The following SYPL1 variants were observed in gnomAD, a reference collection of about 807,000 sequenced individuals.
SYPL1 encodes synaptophysin like 1.
Under a neutral mutation model 23.7 loss-of-function variants are expected in SYPL1, and 6 were observed. That is an observed-to-expected ratio of 0.25 (90% CI 0.14 to 0.50). SYPL1 has a LOEUF of 0.50. Ranked by LOEUF, SYPL1 falls within the 20% of genes least tolerant of loss-of-function variation. The probability of loss-of-function intolerance (pLI) is 0.98; values close to 1 mark genes in which losing one functional copy is unlikely to be tolerated. For missense variants in SYPL1, 253 were observed against 288.9 expected (o/e 0.88, Z 0.90); for synonymous variants, 102 against 104.5 (o/e 0.98, Z 0.15).
Position 106,097,604 on chromosome 7 carries a change from C to A in SYPL1, c.402+86G>T. 1 of 1,279,072 alleles carries A rather than the reference C, an allele frequency of 7.8e-7. No homozygotes were observed. 79.2% of individuals were successfully genotyped at this position (1,279,072 alleles called of 1,614,324 possible). Reference sequence around the variant, plus strand: ...TAAAATATGCTGAACTGGCTTACACCAAGAATTTTTATTTCCAGTATAAGA... The same window carrying A: ...TAAAATATGCTGAACTGGCTTACACAAAGAATTTTTATTTCCAGTATAAGA... On this transcript the variant is annotated intron_variant, in intron 3 of 4. Transcript: ENST00000455385. The surrounding 1 kb of genome is among the most constrained non-coding windows in gnomAD (Gnocchi z 4.6).
Position 106,093,107 on chromosome 7 carries a change from A to G in SYPL1, c.433T>C (p.Leu145=). ...DFVVTLVATF[L]WLVSTSAWAK... ...CAGGCTGAAGTGCTCACCAACCACA[A>G]AAAAGTGGCAACAAGTGTAACAACA... Residue 145 remains leucine, a synonymous_variant, in exon 4 of 5, where the codon TTG becomes CTG. Coordinates refer to ENST00000455385, the MANE Select transcript of SYPL1 (RefSeq NM_182715.4). 1 of 1,609,470 alleles carries G rather than the reference A, an allele frequency of 6.2e-7. No homozygotes were observed. Among genetic ancestry groups the G allele is most frequent in the Non-Finnish European group, 8.5e-7 (1 of 1,178,452 alleles).
chr7:106,093,817 C>T (rs1427136788), intron 3 of SYPL1, among the ~76,000 whole-genome samples: 1 of 145,154 alleles, frequency 6.9e-6, no homozygotes, highest in Non-Finnish European at 1.5e-5. Context: ...TTCCTAACCA[C>T]AAATTTTAAG....
rs781548840 is a variant in SYPL1 at position 106,097,680 on chromosome 7, G to T, written c.402+10C>A. ...TATTTTTGTATTTAAAAAATAAAGTGATTACTTACTATCATAGGAAGTTTA... is the reference window on the plus strand; with the variant it reads ...TATTTTTGTATTTAAAAAATAAAGTTATTACTTACTATCATAGGAAGTTTA... On this transcript the variant is annotated intron_variant, in intron 3 of 4. Coordinates refer to ENST00000455385, the MANE Select transcript of SYPL1 (RefSeq NM_182715.4). The surrounding 1 kb of genome is among the most constrained non-coding windows in gnomAD (Gnocchi z 4.6). 6.3e-6 allele frequency: 10 copies of T among 1,590,380 alleles called. No homozygotes were observed. Among genetic ancestry groups the T allele is most frequent in the African/African-American group, 5.4e-5 (4 of 73,926 alleles).
At chr7:106,107,954 G>A (rs1293410171) in intron 1 of SYPL1, among the ~76,000 whole-genome samples, 1 of 152,088 alleles carries the variant, frequency 6.6e-6, no homozygotes, top group East Asian at 1.9e-4. Flanking sequence ...CAGCACTTGG[G>A]GAGGCCGAGG....
chr7:106,110,402 C>T (rs1790082894), intron 1 of SYPL1, among the ~76,000 whole-genome samples: 1 of 152,236 alleles, frequency 6.6e-6, no homozygotes. Context: ...AATGCTCTCT[C>T]CCTCATTTCT....
At chr7:106,102,316 G>A (rs76642838) in intron 1 of SYPL1, among the ~76,000 whole-genome samples, 4 of 152,116 alleles carry the variant, frequency 2.6e-5, no homozygotes, top group South Asian at 2.1e-4. Context: ...GGCCAGTCTC[G>A]AGCTCCTGAC....
intron 4 of SYPL1, 63 bp from the exon 5 acceptor site, chr7:106,092,002 T>G: frequency 6.8e-7 from 1 of 1,480,680 alleles, no homozygotes; most frequent in Non-Finnish European, 9.1e-7. Flanking sequence ...ATGCCCTACT[T>G]AAAAATCTCA....
In SYPL1 at chr7:106,091,816, TAGG is replaced by T. The variant is rs1328434746; in HGVS notation, c.712_714del (p.Pro238del). The T allele has an allele frequency of 6.2e-7, 1 of 1,610,592 alleles. No individual in the cohort carries two copies. Among genetic ancestry groups the T allele is most frequent in the Non-Finnish European group, 8.5e-7 (1 of 1,177,840 alleles). Reference sequence around the variant, plus strand: ...ATTTCTCCCTTTAATTATATTCCGGTAGGAGGTGGAATACCTCCTTGGCTATGA... The same window carrying T: ...ATTTCTCCCTTTAATTATATTCCGGTAGGTGGAATACCTCCTTGGCTATGA... On this transcript the variant is annotated inframe_deletion, in exon 5 of 5. Coordinates refer to ENST00000455385, the MANE Select transcript of SYPL1 (RefSeq NM_182715.4). The surrounding 1 kb of genome is among the most constrained non-coding windows in gnomAD (Gnocchi z 5.0).
Position 106,097,597 on chromosome 7 carries a change from C to A in SYPL1, c.402+93G>T, listed in dbSNP as rs1585937016. On this transcript the variant is annotated intron_variant, in intron 3 of 4. Coordinates refer to ENST00000455385, the MANE Select transcript of SYPL1 (RefSeq NM_182715.4). The surrounding 1 kb of genome is among the most constrained non-coding windows in gnomAD (Gnocchi z 4.6). ...CACAGGCTAAAATATGCTGAACTGGCTTACACCAAGAATTTTTATTTCCAG... is the reference window on the plus strand; with the variant it reads ...CACAGGCTAAAATATGCTGAACTGGATTACACCAAGAATTTTTATTTCCAG... 4 of 1,208,222 alleles carry A rather than the reference C, an allele frequency of 3.3e-6. No homozygotes were observed. In the East Asian group the frequency reaches 7.7e-5, roughly 23 times the overall value. 74.8% of individuals were successfully genotyped at this position (1,208,222 alleles called of 1,614,324 possible).
chr7:106,108,739 T>A (rs555598735), intron 1 of SYPL1, among the ~76,000 whole-genome samples: 1 of 152,318 alleles, frequency 6.6e-6, no homozygotes, highest in African/African-American at 2.4e-5. Context: ...AATTTGGGAA[T>A]AGTCTTTCTC....
chr7:106,101,504 AG>A (rs889722415), intron 1 of SYPL1, among the ~76,000 whole-genome samples: 2 of 137,700 alleles, frequency 1.5e-5, no homozygotes, highest in African/African-American at 5.5e-5. Context: ...GGTTACAGAT[AG>A]GAAGAGTCTG....
intron 1 of SYPL1, among the ~76,000 whole-genome samples, chr7:106,101,458 C>CAA (rs1840314775): frequency 3.4e-5 from 1 of 29,206 alleles, no homozygotes; most frequent in African/African-American, 1.3e-4. Flanking sequence ...CCCCCCCCCC[C>CAA]CCCCCCCCCA....
At chr7:106,103,739 T>C (rs184754698) in intron 1 of SYPL1, among the ~76,000 whole-genome samples, 114 of 152,350 alleles carry the variant, frequency 7.5e-4, no homozygotes, top group African/African-American at 2.5e-3. Flanking sequence ...GTGTGGTTAA[T>C]AGAACACTGA....
rs1406716287 is a variant in SYPL1 at position 106,100,533 on chromosome 7, T to C, written c.70-1251A>G. On this transcript the variant is annotated intron_variant, in intron 1 of 4. Transcript: ENST00000455385. This position sits in a 1 kb window ranked among gnomAD's most constrained non-coding sequence, Gnocchi z 5.1. ...TTTATTTTTGTACTTGTGAATTTTC[T>C]ACAAAACAACACAAGTAAGCAAAAA... 2.0e-5 allele frequency among the ~76,000 whole-genome samples: 3 copies of C among 152,232 alleles called. No homozygotes were observed. Among genetic ancestry groups the C allele is most frequent in the African/African-American group, 7.2e-5 (3 of 41,472 alleles).
At chr7:106,112,442 CG>C, upstream of SYPL1, 2 of 1,272,928 alleles carry the variant, frequency 1.6e-6, no homozygotes, top group Non-Finnish European at 1.0e-6. Context: ...AGGGGCGGGC[CG>C]GGGCGGAGAC....
chr7:106,101,463 C>T (rs1314044329), intron 1 of SYPL1, among the ~76,000 whole-genome samples: 8 of 61,382 alleles, frequency 1.3e-4, no homozygotes, highest in African/African-American at 3.1e-4. Flanking sequence ...CCCCCCCCCC[C>T]CCCCACAAAA....
rs138220424 is a variant in SYPL1 at position 106,112,183 on chromosome 7, T to C, written c.26A>G (p.Asn9Ser). 2.6e-6 allele frequency: 4 copies of C among 1,541,202 alleles called. No individual in the cohort carries two copies. The highest frequency in any genetic ancestry group is 3.5e-6 in the Non-Finnish European group (4 of 1,136,436). Residue 9 changes from asparagine (N) to serine (S), a missense_variant, in exon 1 of 5, where the codon AAC becomes AGC. Physicochemically the swap from Asn to Ser is conservative, Grantham distance 46 (BLOSUM62 1). Transcript: ENST00000455385. ...GAAGCCGAGTGGCTCCTTGAGCGGG[T>C]TGAGGTTGATCTGGAAGCCGGACAT... MSGFQINLNPLKEPLGFIK... is the reference protein window; with the variant it reads MSGFQINLSPLKEPLGFIK...
rs1790036500 is a variant in SYPL1, at chr7:106,109,448, T to C, written c.69+2692A>G. Among the ~76,000 whole-genome samples, 1 of 152,218 alleles carries C rather than the reference T, an allele frequency of 6.6e-6. No homozygotes were observed. The highest frequency in any genetic ancestry group is 1.5e-5 in the Non-Finnish European group (1 of 68,030). On this transcript the variant is annotated intron_variant, in intron 1 of 4. Transcript: ENST00000455385. The surrounding 1 kb of genome is among the most constrained non-coding windows in gnomAD (Gnocchi z 4.3). Reference sequence around the variant, plus strand: ...TTCTATTGCACCTTACGTTTTGGGGTACTCTTTTCTTGAAATTCTAATAGT... The same window carrying C: ...TTCTATTGCACCTTACGTTTTGGGGCACTCTTTTCTTGAAATTCTAATAGT...
chr7:106,097,928 T>C lies in SYPL1; in HGVS notation c.195-31A>G, dbSNP rs1190609289. On this transcript the variant is annotated intron_variant, in intron 2 of 4. Transcript: ENST00000455385. The surrounding 1 kb of genome is among the most constrained non-coding windows in gnomAD (Gnocchi z 4.6). ...AAAATAAATGTATGAATTATTGGAC[T>C]TTCCCAACAGAGACAGAAACATTTA... is the stretch of plus-strand genomic sequence containing the variant. 6.4e-7 allele frequency: 1 copy of C among 1,562,400 alleles called. No individual in the cohort carries two copies. Among genetic ancestry groups the C allele is most frequent in the Non-Finnish European group, 8.8e-7 (1 of 1,141,824 alleles).
Sources: gnomAD v4.1 joint callset for allele counts (sites outside exome capture counted in the v4.1 genomes callset) on GRCh38, gnomAD v4.1.1 for gene constraint, Gnocchi (gnomAD v3.1) non-coding constraint, MANE v1.5 for transcripts, NCBI Gene and HGNC (gene_info 2026-07-23, HGNC 2026-07-21) for gene names.